NOP2: variants seen among roughly 807,000 people sequenced by gnomAD.
NOP2 encodes NOP2 nucleolar protein, also known as 28S rRNA (cytosine(4447)-C(5))-methyltransferase.
Under a neutral mutation model 72.7 loss-of-function variants are expected in NOP2, and 7 were observed. The ratio of observed to expected loss-of-function variants is 0.10; its 90% CI spans 0.05 to 0.18. The LOEUF is 0.18. Ranked by LOEUF, NOP2 falls within the 10% of genes least tolerant of loss-of-function variation. The probability of loss-of-function intolerance (pLI) is 1.00; values close to 1 mark genes in which losing one functional copy is unlikely to be tolerated. For synonymous variants in NOP2, 387 were observed against 388.0 expected (o/e 1.00, Z 0.03); for missense variants, 954 against 1,014.7 (o/e 0.94, Z 0.81).
In NOP2 at chr12:6,566,271, G is replaced by C; in HGVS notation, c.304C>G (p.Arg102Gly). The change falls in exon 5 of 16, where the codon CGA becomes GGA. Residue 102 changes from arginine to glycine, a missense_variant. Arg to Gly is a moderately radical substitution (Grantham distance 125). Around this residue, in one of 3 missense-constraint regions of NOP2, gnomAD observed 498 missense variants for 478.3 expected, o/e 1.04. Transcript: ENST00000322166. ...KGPQSLFNAP[R>G]GKKRPAPGSD... ...CCAGGTGCTGGGCGCTTCTTGCCTC[G>C]AGGAGCATTAAATAGGGACTGGGGT... The C allele has an allele frequency of 1.2e-6, 2 of 1,613,842 alleles. No homozygotes were observed. Among genetic ancestry groups the C allele is most frequent in the South Asian group, 1.1e-5 (1 of 91,080 alleles).
At chr12:6,565,000 C>A (rs1300597016) in intron 5 of NOP2, among the ~76,000 whole-genome samples, 1 of 152,082 alleles carries the variant, frequency 6.6e-6, no homozygotes, top group Non-Finnish European at 1.5e-5. Flanking sequence ...GAAGGGGGTG[C>A]ACATGGGGAC....
rs766201457 is a variant in NOP2, at chr12:6,557,230, G to A, written c.2202C>T (p.Ser734=). 5.1e-5 allele frequency: 83 copies of A among 1,614,026 alleles called. No individual in the cohort carries two copies. Among genetic ancestry groups the A allele is most frequent in the Non-Finnish European group, 7.0e-5 (83 of 1,179,888 alleles). ...DTQTPAVLSP[S]KTQATLKPKD... ...TAGGTTTCAGGGTGGCCTGAGTCTT[G>A]GATGGGGATAACACAGCCGGTGTTT... is the stretch of plus-strand genomic sequence containing the variant. The change falls in exon 16 of 16, where the codon TCC becomes TCT. Residue 734 remains serine, a synonymous_variant. Transcript: ENST00000322166.
At chr12:6,565,053 A>C (rs1047002556) in intron 5 of NOP2, among the ~76,000 whole-genome samples, 9 of 152,070 alleles carry the variant, frequency 5.9e-5, no homozygotes, top group Non-Finnish European at 1.0e-4. Flanking sequence ...ACATCCACAC[A>C]CTAATTGTAT....
At position 6,563,680 on chromosome 12, in the gene NOP2, C is replaced by T. The variant is rs375869692; in HGVS notation, c.622G>A (p.Gly208Arg). Residue 208 changes from glycine to arginine, a missense_variant, in exon 7 of 16, where the codon GGG becomes AGG. Physicochemically the swap from Gly to Arg is moderately radical, Grantham distance 125. Transcript: ENST00000322166. The part of the protein sequence containing the change: ...SGPPKVEEAD[G>R]GLQINVDEEP... ...TCATCCACATTGATCTGCAGGCCCC[C>T]ATCTGCCTCTTCCACCTTTGGGGGG... The T allele has an allele frequency of 6.2e-7, 1 of 1,613,810 alleles. No individual in the cohort carries two copies.
In NOP2 at chr12:6,557,326, T is replaced by C. The variant is rs1398372802; in HGVS notation, c.2106A>G (p.Ser702=). The C allele has an allele frequency of 1.2e-6, 2 of 1,614,036 alleles. No homozygotes were observed. Among genetic ancestry groups the C allele is most frequent in the Non-Finnish European group, 1.7e-6 (2 of 1,179,892 alleles). Residue 702 remains serine, a synonymous_variant, in exon 16 of 16, where the codon TCA becomes TCG. Transcript: ENST00000322166. ...PKVTGKLKQR[S]PKLQSSKKVA... Reference sequence around the variant, plus strand: ...CTTTCTTGGAGGACTGTAATTTAGGTGATCGTTGCTTTAGCTTCCCAGTCA... The same window carrying C: ...CTTTCTTGGAGGACTGTAATTTAGGCGATCGTTGCTTTAGCTTCCCAGTCA...
In NOP2 at chr12:6,560,900, A is replaced by C; in HGVS notation, c.1347+31T>G. 1 of 1,613,214 alleles carries C rather than the reference A, an allele frequency of 6.2e-7. No individual in the cohort carries two copies. The highest frequency in any genetic ancestry group is 8.5e-7 in the Non-Finnish European group (1 of 1,179,370). On this transcript the variant is annotated intron_variant, in intron 12 of 15. Transcript: ENST00000322166. The surrounding 1 kb of genome is among the most constrained non-coding windows in gnomAD (Gnocchi z 5.0). ...GGAAGGGAGAAGGTCAACCGGAAGA[A>C]GCCTCAGAAGACACACAGCTCGAGT...
At position 6,567,850 on chromosome 12, in the gene NOP2, A is replaced by G. The variant is rs370906874; in HGVS notation, c.69T>C (p.Gly23=). 17 of 1,613,884 alleles carry G rather than the reference A, an allele frequency of 1.1e-5. No individual in the cohort carries two copies. In the African/African-American group the frequency reaches 2.3e-4, roughly 22 times the overall value. Residue 23 remains glycine (G), a synonymous_variant, in exon 2 of 16, where the codon GGT becomes GGC. Transcript: ENST00000322166. ...GPGRKARKQK[G]AETELVRFLP... ...AGAATCTGACGAGTTCTGTCTCGGC[A>G]CCCTTCTGCTTCCGGGCCTTTCGGC...
chr12:6,564,509 C>T (rs1265692805), intron 5 of NOP2, among the ~76,000 whole-genome samples: 1 of 151,684 alleles, frequency 6.6e-6, no homozygotes, highest in Non-Finnish European at 1.5e-5. Flanking sequence ...CTCACTGCAA[C>T]CTCCGCCTCC....
chr12:6,563,287 C>G, intron 8 of NOP2, 28 bp downstream of exon 8: 1 of 1,566,462 alleles, frequency 6.4e-7, no homozygotes, highest in African/African-American at 1.4e-5. Context: ...AAAAGAAAAG[C>G]AAAAGAGGCA....
At chr12:6,558,842 A>T (rs1947574040) in intron 15 of NOP2, among the ~76,000 whole-genome samples, 1 of 152,092 alleles carries the variant, frequency 6.6e-6, no homozygotes, top group Non-Finnish European at 1.5e-5. Flanking sequence ...ATTTATAGGC[A>T]TGAGCCATCA....
At position 6,560,393 on chromosome 12, in the gene NOP2, G is replaced by C; in HGVS notation, c.1560+54C>G. ...GCTGGAGCTGAAGGGAGCTCTAAGG[G>C]GCAAAGAGCCCCCCAGCCCAGCCTC... On this transcript the variant is annotated intron_variant, in intron 14 of 15. Transcript: ENST00000322166. The surrounding 1 kb of genome is among the most constrained non-coding windows in gnomAD (Gnocchi z 5.0). The C allele has an allele frequency of 3.8e-6, 6 of 1,599,188 alleles. No individual in the cohort carries two copies. Among genetic ancestry groups the C allele is most frequent in the Non-Finnish European group, 5.1e-6 (6 of 1,170,476 alleles).
At position 6,561,658 on chromosome 12, in the gene NOP2, T is replaced by A. The variant is rs2084181908; in HGVS notation, c.1207+6A>T. ...GATGAATCCCACCTGCCTGCCCCTC[T>A]CATACCCATGTAGCTGGTCTTTCCT... On this transcript the variant is annotated splice_donor_region_variant and intron_variant, in intron 11 of 15. Transcript: ENST00000322166. 6.2e-7 allele frequency: 1 copy of A among 1,613,248 alleles called. No homozygotes were observed. The highest frequency in any genetic ancestry group is 1.7e-5 in the Admixed American group (1 of 59,968).
Position 6,563,534 on chromosome 12 carries a change from G to A in NOP2, c.689-20C>T. On this transcript the variant is annotated intron_variant, in intron 7 of 15. Coordinates refer to ENST00000322166, the MANE Select transcript of NOP2 (RefSeq NM_001258308.2). Reference sequence around the variant, plus strand: ...GGGCATGTGGGCCTGTTAAGGAACTGTGTCATGATGTCCTAAGGCCTGGAA... The same window carrying A: ...GGGCATGTGGGCCTGTTAAGGAACTATGTCATGATGTCCTAAGGCCTGGAA... 6.2e-7 allele frequency: 1 copy of A among 1,612,032 alleles called. No individual in the cohort carries two copies. The highest frequency in any genetic ancestry group is 8.5e-7 in the Non-Finnish European group (1 of 1,178,870).
At position 6,557,121 on chromosome 12, in the gene NOP2, G is replaced by C; in HGVS notation, c.2311C>G (p.Gln771Glu). Residue 771 changes from glutamine (Q) to glutamate (E), a missense_variant, in exon 16 of 16, where the codon CAG (glutamine) becomes GAG (glutamate). By Grantham distance (29) the Gln-to-Glu change is conservative (BLOSUM62 2). Transcript: ENST00000322166. ...PEQPFEKAAF[Q>E]KQNDTPKGPQ... is the part of the protein sequence containing the mutation. ...CCCTTGGGGGTATCATTCTGTTTCT[G>C]GAAGGCAGCTTTCTCAAAAGGCTGC... 6.2e-7 allele frequency: 1 copy of C among 1,613,984 alleles called. No individual in the cohort carries two copies. The highest frequency in any genetic ancestry group is 1.1e-5 in the South Asian group (1 of 91,090).
Position 6,560,565 on chromosome 12 carries a change from T to C in NOP2, c.1442A>G (p.Glu481Gly). 1 of 1,597,322 alleles carries C rather than the reference T, an allele frequency of 6.3e-7. No individual in the cohort carries two copies. Among genetic ancestry groups the C allele is most frequent in the East Asian group, 2.2e-5 (1 of 44,484 alleles). The change falls in exon 14 of 16, where the codon GAG (glutamate) becomes GGG (glycine). Residue 481 changes from glutamate (E) to glycine (G), a missense_variant. Glu to Gly is a moderately conservative substitution (Grantham distance 98). Coordinates refer to ENST00000322166, the MANE Select transcript of NOP2 (RefSeq NM_001258308.2). The surrounding 1 kb of genome is among the most constrained non-coding windows in gnomAD (Gnocchi z 5.0). ...KDPAVKTNKD[E>G]KDILRCAHLQ... is the part of the protein sequence containing the mutation. ...GTGAGCACAGCGCAGGATGTCCTTC[T>C]CATCCTGTCCCAAAAAGAGACCCAA...
Position 6,557,202 on chromosome 12 carries a change from C to A in NOP2, c.2230G>T (p.Asp744Tyr). Residue 744 changes from aspartate (D) to tyrosine (Y), a missense_variant, in exon 16 of 16, where the codon GAC (aspartate) becomes TAC (tyrosine). Asp to Tyr is a radical substitution (Grantham distance 160). Transcript: ENST00000322166. ...SKTQATLKPK[D>Y]HHQPLGRAKG... The stretch of plus-strand genomic sequence containing the variant: ...GCCCTTCCAAGGGGCTGATGATGGT[C>A]CTTAGGTTTCAGGGTGGCCTGAGTC... 2 of 1,613,908 alleles carry A rather than the reference C, an allele frequency of 1.2e-6. No homozygotes were observed. Among genetic ancestry groups the A allele is most frequent in the African/African-American group, 1.3e-5 (1 of 75,010 alleles).
intron 15 of NOP2, among the ~76,000 whole-genome samples, chr12:6,559,158 G>A (rs1300746891): frequency 2.0e-5 from 3 of 151,500 alleles, no homozygotes; most frequent in Non-Finnish European, 4.4e-5. Flanking sequence ...TCACTCTGTC[G>A]CCCAGGCTGG....
rs1405822035 is a variant in NOP2 at position 6,566,569 on chromosome 12, C to T, written c.198G>A (p.Lys66=). 2 of 1,614,000 alleles carry T rather than the reference C, an allele frequency of 1.2e-6. No homozygotes were observed. The highest frequency in any genetic ancestry group is 2.2e-5 in the East Asian group (1 of 44,892). The change falls in exon 4 of 16, where the codon AAG becomes AAA. Residue 66 remains lysine, a synonymous_variant. Transcript: ENST00000322166. ...CAGGCAATGGTTTGGCCTCAGGAGA[C>T]TTATTTGTCTTAGGGGCTTCAACAG... ...LGSVEAPKTN[K]SPEAKPLPGK...
At position 6,560,978 on chromosome 12, in the gene NOP2, C is replaced by G. The variant is rs775020513; in HGVS notation, c.1300G>C (p.Val434Leu). 1 of 1,613,940 alleles carries G rather than the reference C, an allele frequency of 6.2e-7. No homozygotes were observed. Among genetic ancestry groups the G allele is most frequent in the Non-Finnish European group, 8.5e-7 (1 of 1,179,882 alleles). Residue 434 changes from valine to leucine, a missense_variant, in exon 12 of 16, where the codon GTC becomes CTC. Physicochemically the swap from Val to Leu is conservative, Grantham distance 32 (BLOSUM62 1). Transcript: ENST00000322166. The surrounding 1 kb of genome is among the most constrained non-coding windows in gnomAD (Gnocchi z 5.0). Reference protein sequence around the residue: ...SVVGNLHRLGVTNTIISHYDG... With the variant: ...SVVGNLHRLGLTNTIISHYDG... The stretch of plus-strand genomic sequence containing the variant: ...TAGTGGCTGATAATGGTGTTGGTGA[C>G]TCCCAGCCGATGCAAGTTGCCCACA...
Sources: gnomAD v4.1 joint callset for allele counts (sites outside exome capture counted in the v4.1 genomes callset) on GRCh38, gnomAD v4.1.1 for gene constraint, gnomAD v4.1.1 regional missense constraint, Gnocchi (gnomAD v3.1) non-coding constraint, MANE v1.5 for transcripts, NCBI Gene and HGNC (gene_info 2026-07-23, HGNC 2026-07-21) for gene names.